Variants in DPYD observed in about 807,000 individuals in gnomAD.
The protein encoded by DPYD is dihydropyrimidine dehydrogenase [NADP(+)].
DPYD carries 109 observed loss-of-function variants against 116.2 expected under a neutral mutation model. That is an observed-to-expected ratio of 0.94 (90% confidence interval 0.80 to 1.10). The LOEUF (loss-of-function observed/expected upper bound fraction) is 1.10. DPYD is among the 50% of genes least tolerant of loss of function. The pLI is 0.00. For missense variants in DPYD, 1,302 were observed against 1,254.5 expected (o/e 1.04, Z -0.57); for synonymous variants, 440 against 432.0 (o/e 1.02, Z -0.23).
At chr1:97,120,069 A>G (rs894031170) in intron 20 of DPYD, among the ~76,000 whole-genome samples, 6 of 152,108 alleles carry the variant, frequency 3.9e-5, no homozygotes, top group Non-Finnish European at 8.8e-5. Flanking sequence ...CCCTTTGTAA[A>G]TCAAGTTGTA....
At chr1:97,512,044 T>G (rs2101964676) in intron 13 of DPYD, among the ~76,000 whole-genome samples, 1 of 152,080 alleles carries the variant, frequency 6.6e-6, no homozygotes, top group East Asian at 1.9e-4. Flanking sequence ...TTCAATTCTT[T>G]TATGTGTTAA....
intron 13 of DPYD, among the ~76,000 whole-genome samples, chr1:97,469,397 CAAAAAAAAAAAAAAAAAAA>C (rs59090402): frequency 1.2e-5 from 1 of 80,800 alleles, no homozygotes; most frequent in Non-Finnish European, 2.1e-5. Flanking sequence ...GCTAAAATTG[CAAAAAAAAAAAAAAAAAAA>C]AAAAAAAAAA....
intron 13 of DPYD, chr1:97,514,234 A>G: frequency 1.0e-6 from 1 of 985,108 alleles, no homozygotes; most frequent in Non-Finnish European, 1.2e-6. Flanking sequence ...ACTGAAAGAC[A>G]CAGCATCACA....
At chr1:97,411,756 A>G (rs935587317) in intron 14 of DPYD, among the ~76,000 whole-genome samples, 10 of 152,178 alleles carry the variant, frequency 6.6e-5, no homozygotes, top group Admixed American at 5.9e-4. Flanking sequence ...GAAGCATGAC[A>G]AAGTGATTTA....
intron 13 of DPYD, among the ~76,000 whole-genome samples, chr1:97,483,897 A>T (rs76974026): frequency 6.8e-6 from 1 of 147,660 alleles, no homozygotes; most frequent in Non-Finnish European, 1.5e-5. Context: ...AAAAAAAAAA[A>T]TTATCTTCTT....
intron 8 of DPYD, among the ~76,000 whole-genome samples, chr1:97,657,225 T>C (rs747328130): frequency 1.2e-4 from 19 of 152,088 alleles, no homozygotes; most frequent in Non-Finnish European, 2.8e-4. Context: ...CACCTCGGCC[T>C]CCTAAAGTGC....
chr1:97,266,842 C>G (rs890452621), intron 18 of DPYD, among the ~76,000 whole-genome samples: 1 of 152,132 alleles, frequency 6.6e-6, no homozygotes, highest in Non-Finnish European at 1.5e-5. Flanking sequence ...ATTCATGTCT[C>G]TGCAAAGGAC....
chr1:97,724,301 GGGGGGGGTGTGT>G (rs1663097697), intron 4 of DPYD, among the ~76,000 whole-genome samples: 2 of 15,532 alleles, frequency 1.3e-4, no homozygotes, highest in African/African-American at 4.6e-4. Context: ...TGTGGGGGGG[GGGGGGGGTGTGT>G]GTGTGTGTGT....
chr1:97,361,238 C>G (rs1412262318), intron 16 of DPYD, among the ~76,000 whole-genome samples: 1 of 152,188 alleles, frequency 6.6e-6, no homozygotes, highest in Non-Finnish European at 1.5e-5. Context: ...CATACACCCT[C>G]TCAAGACTAA....
At chr1:97,633,894 T>C (rs973241172) in intron 8 of DPYD, among the ~76,000 whole-genome samples, 1 of 152,068 alleles carries the variant, frequency 6.6e-6, no homozygotes, top group Non-Finnish European at 1.5e-5. Context: ...CAGCGTTGAC[T>C]CCCCATTTGC....
intron 11 of DPYD, among the ~76,000 whole-genome samples, chr1:97,566,695 C>G (rs780376982): frequency 6.6e-6 from 1 of 151,990 alleles, no homozygotes; most frequent in Admixed American, 6.6e-5. Context: ...CAATTTTTCC[C>G]CCTTCCCCTT....
intron 16 of DPYD, among the ~76,000 whole-genome samples, chr1:97,353,798 A>T (rs1163209245): frequency 2.0e-5 from 3 of 152,166 alleles, no homozygotes; most frequent in Non-Finnish European, 4.4e-5. Context: ...CATAACTTCC[A>T]CAAATAGCAC....
chr1:97,303,883 T>G (rs1246222656), intron 18 of DPYD, among the ~76,000 whole-genome samples: 1 of 151,968 alleles, frequency 6.6e-6, no homozygotes, highest in Non-Finnish European at 1.5e-5. Flanking sequence ...TAACAGGCCC[T>G]GAGGTATGAC....
intron 18 of DPYD, among the ~76,000 whole-genome samples, chr1:97,274,275 G>A (rs1343867843): frequency 6.6e-6 from 1 of 152,078 alleles, no homozygotes; most frequent in Non-Finnish European, 1.5e-5. Context: ...GGGCCATGGG[G>A]GCAGATCTCT....
chr1:97,529,118 C>T (rs958891321), intron 12 of DPYD, among the ~76,000 whole-genome samples: 1 of 152,078 alleles, frequency 6.6e-6, no homozygotes, highest in African/African-American at 2.4e-5. Flanking sequence ...ATTCTTTTTC[C>T]ATACTTCTAT....
At chr1:97,428,604 T>C (rs1397720831) in intron 14 of DPYD, among the ~76,000 whole-genome samples, 1 of 151,962 alleles carries the variant, frequency 6.6e-6, no homozygotes, top group African/African-American at 2.4e-5. Context: ...CAGCTAAGAC[T>C]AAGAAATTCA....
At chr1:97,431,272 G>GA (rs565395199) in intron 14 of DPYD, among the ~76,000 whole-genome samples, 25 of 151,662 alleles carry the variant, frequency 1.6e-4, no homozygotes, top group Non-Finnish European at 2.9e-4. Flanking sequence ...AGAATAAAAA[G>GA]AAAAAAAATG....
chr1:97,346,991 T>C (rs1020963242), intron 16 of DPYD, among the ~76,000 whole-genome samples: 2 of 151,752 alleles, frequency 1.3e-5, no homozygotes, highest in Admixed American at 6.6e-5. Flanking sequence ...TAAACATCCA[T>C]ATAAATATAT....
intron 14 of DPYD, among the ~76,000 whole-genome samples, chr1:97,427,035 T>C (rs1319367149): frequency 2.0e-5 from 3 of 152,108 alleles, no homozygotes; most frequent in Non-Finnish European, 2.9e-5. Context: ...ATGCAGTATA[T>C]AATATGTGAA....
Sources: gnomAD v4.1 joint callset for allele counts (sites outside exome capture counted in the v4.1 genomes callset) on GRCh38, gnomAD v4.1.1 for gene constraint, MANE v1.5 for transcripts, NCBI Gene and HGNC (gene_info 2026-07-23, HGNC 2026-07-21) for gene names.